ATRX: variants seen among roughly 807,000 people sequenced by gnomAD.
ATRX encodes chromatin remodeler ATRX.
A neutral mutation model predicts 172.6 loss-of-function variants in ATRX; 12 were observed. That is an observed-to-expected ratio of 0.07 (90% CI 0.04 to 0.11). The LOEUF (loss-of-function observed/expected upper bound fraction) is 0.11, where lower values mean the gene tolerates loss of function less well. Ranked by LOEUF, ATRX falls within the 10% of genes least tolerant of loss-of-function variation. ATRX has a pLI of 1.00. For synonymous variants in ATRX, 674 were observed against 594.7 expected (o/e 1.13, Z -1.94); for missense variants, 1,368 against 1,767.4 (o/e 0.77, Z 4.05).
At chrX:77,745,236 A>C (rs972592852) in intron 1 of ATRX, among the ~76,000 whole-genome samples, 11 of 109,194 alleles carry the variant, frequency 1.0e-4, no homozygotes, top group Non-Finnish European at 1.7e-4. Flanking sequence ...CCACTGCTAA[A>C]TATGTACCCC....
At chrX:77,726,154 C>T (rs2074023377) in intron 1 of ATRX, among the ~76,000 whole-genome samples, 4 of 111,281 alleles carry the variant, frequency 3.6e-5, no homozygotes, top group South Asian at 3.8e-4. Flanking sequence ...AATCATGCTG[C>T]TATAAAGACT....
chrX:77,769,829 C>T (rs190751206), intron 1 of ATRX, among the ~76,000 whole-genome samples: 80 of 110,905 alleles, frequency 7.2e-4, no homozygotes, highest in Admixed American at 4.3e-3. Flanking sequence ...GGCGTGGTGG[C>T]TCACACCTGT....
In ATRX at chrX:77,505,410, C is replaced by CT; in HGVS notation, c.*2940dup. 5.7e-6 allele frequency: 1 copy of CT among 174,377 alleles called. No individual in the cohort carries two copies. The allele number at this position is 174,377 out of a possible 1,213,427, so 14.4% of individuals were successfully genotyped here. A position where few individuals can be genotyped will look rare whatever the true frequency, so the allele number is the denominator to read the frequency against. ...AGTGTGGGTTGGTAGCCCTGCTTGA[C>CT]TTAAAATGAGTGTTACAGCTGTTGG... On this transcript the variant is annotated 3_prime_UTR_variant, in exon 35 of 35. Coordinates refer to ENST00000373344, the MANE Select transcript of ATRX (RefSeq NM_000489.6).
At chrX:77,634,807 T>C (rs2068269209) in intron 16 of ATRX, 104 bp from the exon 17 acceptor site, 6 of 667,821 alleles carry the variant, frequency 9.0e-6, no homozygotes, top group African/African-American at 4.4e-5. Flanking sequence ...GAAACAGCAT[T>C]AAAAAAACAC....
At position 77,688,939 on chromosome X, in the gene ATRX, G is replaced by C. The variant is rs782818193; in HGVS notation, c.485-12C>G. On this transcript the variant is annotated splice_polypyrimidine_tract_variant and intron_variant, in intron 6 of 34. Coordinates refer to ENST00000373344, the MANE Select transcript of ATRX (RefSeq NM_000489.6). The stretch of plus-strand genomic sequence containing the variant: ...ATGAAGCCCATCTTCTAGGAGAAAG[G>C]AGTGGCTATTATTCACACATTTATA... 1 of 1,146,879 alleles carries C rather than the reference G, an allele frequency of 8.7e-7. No individual in the cohort carries two copies. The highest frequency in any genetic ancestry group is 1.8e-5 in the African/African-American group (1 of 56,113). The allele number at this position is 1,146,879 out of a possible 1,213,427, so 94.5% of individuals were successfully genotyped here. A position where few individuals can be genotyped will look rare whatever the true frequency, so the allele number is the denominator to read the frequency against.
At chrX:77,591,542 A>G (rs1260533403) in intron 26 of ATRX, among the ~76,000 whole-genome samples, 1 of 111,959 alleles carries the variant, frequency 8.9e-6, no homozygotes, top group Non-Finnish European at 1.9e-5. Context: ...AAAACAATTG[A>G]AGCTATGAAA....
At chrX:77,769,993 A>C (rs1404208025) in intron 1 of ATRX, among the ~76,000 whole-genome samples, 1 of 110,833 alleles carries the variant, frequency 9.0e-6, no homozygotes, top group Non-Finnish European at 1.9e-5. Flanking sequence ...CTGAGGTGGG[A>C]GGATCACTTG....
chrX:77,772,155 G>A (rs1352839443), intron 1 of ATRX, among the ~76,000 whole-genome samples: 1 of 109,103 alleles, frequency 9.2e-6, no homozygotes, highest in African/African-American at 3.3e-5. Flanking sequence ...AAAATTAGCT[G>A]GGCACGGTGG....
At chrX:77,763,329 G>C (rs782189386) in intron 1 of ATRX, among the ~76,000 whole-genome samples, 2 of 109,014 alleles carry the variant, frequency 1.8e-5, no homozygotes, top group Non-Finnish European at 3.8e-5. Flanking sequence ...GTTTTTAGTA[G>C]AAACAAGAGT....
chrX:77,653,245 C>CCCA (rs1433017001), intron 14 of ATRX, among the ~76,000 whole-genome samples: 10 of 111,555 alleles, frequency 9.0e-5, no homozygotes, highest in African/African-American at 2.9e-4. Flanking sequence ...TATGTAAACA[C>CCCA]CCATATTCAT....
At chrX:77,737,802 C>T (rs2074669297) in intron 1 of ATRX, among the ~76,000 whole-genome samples, 1 of 110,598 alleles carries the variant, frequency 9.0e-6, no homozygotes, top group African/African-American at 3.3e-5. Flanking sequence ...GTGATACGAG[C>T]CCATATACAT....
intron 15 of ATRX, among the ~76,000 whole-genome samples, chrX:77,647,351 A>T (rs1303570392): frequency 2.7e-5 from 3 of 112,116 alleles, no homozygotes; most frequent in Admixed American, 9.4e-5. Context: ...TTTACACCTT[A>T]AGGAACCAGA....
At chrX:77,526,164 T>A (rs782377189) in intron 30 of ATRX, among the ~76,000 whole-genome samples, 2 of 111,815 alleles carry the variant, frequency 1.8e-5, no homozygotes, top group African/African-American at 6.5e-5. Flanking sequence ...TATGCAGTGA[T>A]GATTCTATCA....
chrX:77,649,976 C>T (rs2069129561), intron 15 of ATRX, among the ~76,000 whole-genome samples: 1 of 111,460 alleles, frequency 9.0e-6, no homozygotes, highest in South Asian at 3.7e-4. Context: ...CAAAACATTC[C>T]TAAGAGAAAT....
chrX:77,595,616 T>C (rs1602714068), intron 25 of ATRX: 1 of 110,874 alleles, frequency 9.0e-6, no homozygotes, highest in African/African-American at 3.3e-5. Context: ...CTCCAACTTA[T>C]AGAGGGCTCG....
At chrX:77,735,819 A>C (rs1455397236) in intron 1 of ATRX, among the ~76,000 whole-genome samples, 2 of 97,168 alleles carry the variant, frequency 2.1e-5, no homozygotes, top group Non-Finnish European at 4.1e-5. Context: ...TAAATAAATA[A>C]ATAAATAAAT....
rs2073478511 is a variant in ATRX at position 77,717,135 on chromosome X, G to A, written c.129C>T (p.Asn43=). ...SSPPRLAMNQ[N]TDKISGSGSN... ...GCACATTCTTTTTCAATTTACCTGT[G>A]TTTTGATTCATTGCAAGTCGTGGAG... Residue 43 remains asparagine, a synonymous_variant, in exon 2 of 35, where the codon AAC becomes AAT. Transcript: ENST00000373344. 2.5e-6 allele frequency: 3 copies of A among 1,199,402 alleles called. No individual in the cohort carries two copies. Among genetic ancestry groups the A allele is most frequent in the Non-Finnish European group, 3.4e-6 (3 of 884,641 alleles).
intron 34 of ATRX, among the ~76,000 whole-genome samples, chrX:77,514,550 C>T (rs1602332370): frequency 8.9e-6 from 1 of 112,043 alleles, no homozygotes. Flanking sequence ...AATTGGCTAG[C>T]CACAGGGAGA....
At chrX:77,722,051 C>T (rs1310831441) in intron 1 of ATRX, among the ~76,000 whole-genome samples, 1 of 111,423 alleles carries the variant, frequency 9.0e-6, no homozygotes, top group Admixed American at 9.6e-5. Flanking sequence ...CTTTGACAAA[C>T]CTGACAAAAA....
Sources: allele counts gnomAD v4.1 joint callset (sites outside exome capture counted in the v4.1 genomes callset), GRCh38; gene constraint gnomAD v4.1.1; transcripts MANE v1.5; gene names NCBI Gene and HGNC (gene_info 2026-07-23, HGNC 2026-07-21).